Variants in AGMO observed in about 807,000 individuals in gnomAD.
The protein encoded by AGMO is glyceryl-ether monooxygenase.
A neutral mutation model predicts 60.2 loss-of-function variants in AGMO; 75 were observed. The ratio of observed to expected loss-of-function variants is 1.25; its 90% confidence interval spans 1.03 to 1.51. The LOEUF is 1.51. Among genes scored for constraint, AGMO ranks in the 40% most tolerant of loss-of-function variants. AGMO has a pLI of 0.00. For synonymous variants in AGMO, 261 were observed against 177.1 expected (o/e 1.47, Z -3.76); for missense variants, 763 against 525.5 (o/e 1.45, Z -4.42).
At chr7:15,389,556 G>A (rs751682789) in intron 8 of AGMO, among the ~76,000 whole-genome samples, 18 of 152,136 alleles carry the variant, frequency 1.2e-4, no homozygotes, top group Non-Finnish European at 2.1e-4. Flanking sequence ...TTTGGTGTAC[G>A]AGGAGATAAA....
At chr7:15,368,103 G>C (rs1222473447) in intron 10 of AGMO, among the ~76,000 whole-genome samples, 1 of 151,842 alleles carries the variant, frequency 6.6e-6, no homozygotes, top group Non-Finnish European at 1.5e-5. Flanking sequence ...ATTGCTGAGT[G>C]GTCAAAAATC....
At chr7:15,241,459 CAAAAAAAAAA>C (rs61727790) in intron 12 of AGMO, among the ~76,000 whole-genome samples, 9 of 51,364 alleles carry the variant, frequency 1.8e-4, no homozygotes, top group East Asian at 1.4e-3. Flanking sequence ...GACTCCGTCT[CAAAAAAAAAA>C]AAAAAAAAAA....
intron 12 of AGMO, among the ~76,000 whole-genome samples, chr7:15,312,852 A>G (rs1190543617): frequency 2.6e-5 from 4 of 151,946 alleles, no homozygotes; most frequent in Non-Finnish European, 5.9e-5. Flanking sequence ...TATTTTTAGT[A>G]AAGACAGGGT....
intron 12 of AGMO, among the ~76,000 whole-genome samples, chr7:15,258,867 G>T (rs1783183250): frequency 6.6e-6 from 1 of 152,086 alleles, no homozygotes; most frequent in South Asian, 2.1e-4. Flanking sequence ...ATTCCTTAGG[G>T]GAAGGAGGAG....
chr7:15,471,433 G>A (rs1055462010), intron 3 of AGMO, among the ~76,000 whole-genome samples: 2 of 151,814 alleles, frequency 1.3e-5, no homozygotes, highest in Non-Finnish European at 2.9e-5. Context: ...CTATAAAAAT[G>A]AGATCATTAC....
chr7:15,471,747 C>T (rs981485265), intron 3 of AGMO, among the ~76,000 whole-genome samples: 1 of 151,858 alleles, frequency 6.6e-6, no homozygotes, highest in Non-Finnish European at 1.5e-5. Context: ...TAATGTTTCA[C>T]CTGTGAGTGG....
At position 15,284,882 on chromosome 7, in the gene AGMO, G is replaced by C. The variant is rs185200044; in HGVS notation, c.1263+80632C>G. On this transcript the variant is annotated intron_variant, in intron 12 of 12. Transcript: ENST00000342526. ...ACACATCAAAAAGATAATAAATCAT[G>C]ATCAAGTGGGTTTCATTACAGGGAT... Among the ~76,000 whole-genome samples the C allele has an allele frequency of 3.8e-3, 574 of 152,118 alleles. 6 individuals carry two copies. Among genetic ancestry groups the C allele is most frequent in the African/African-American group, 0.014 (562 of 41,512 alleles).
intron 3 of AGMO, among the ~76,000 whole-genome samples, chr7:15,498,321 T>C (rs1783289270): frequency 6.6e-6 from 1 of 151,922 alleles, no homozygotes; most frequent in African/African-American, 2.4e-5. Context: ...AGGTAGTTAG[T>C]GGGGATATTT....
the AGMO span, among the ~76,000 whole-genome samples, chr7:15,163,938 T>C: frequency 2.6e-5 from 4 of 152,096 alleles, no homozygotes; most frequent in Admixed American, 6.6e-5. Flanking sequence ...AATTTGACTA[T>C]GAATCTGTCT....
chr7:15,419,924 A>G (rs904005680), intron 4 of AGMO, among the ~76,000 whole-genome samples: 2 of 152,112 alleles, frequency 1.3e-5, no homozygotes, highest in African/African-American at 4.8e-5. Context: ...TGATTGTTTC[A>G]TAATACATTA....
intron 3 of AGMO, among the ~76,000 whole-genome samples, chr7:15,432,333 T>TATACATAC: frequency 7.4e-6 from 1 of 135,194 alleles, no homozygotes; most frequent in African/African-American, 2.8e-5. Context: ...TATATGTATA[T>TATACATAC]ATATATATAT....
chr7:15,270,463 C>T (rs1029717277), intron 12 of AGMO, among the ~76,000 whole-genome samples: 18 of 151,742 alleles, frequency 1.2e-4, no homozygotes, highest in African/African-American at 3.9e-4. Flanking sequence ...CAGTTTGAAA[C>T]GAGGTTAATT....
chr7:15,359,803 T>C (rs969087901), intron 12 of AGMO, among the ~76,000 whole-genome samples: 2 of 152,238 alleles, frequency 1.3e-5, no homozygotes, highest in African/African-American at 4.8e-5. Flanking sequence ...ATTTGTGATA[T>C]ATGAAATCAT....
intron 3 of AGMO, among the ~76,000 whole-genome samples, chr7:15,475,796 T>G (rs1230771815): frequency 3.3e-5 from 5 of 152,074 alleles, no homozygotes; most frequent in Admixed American, 3.3e-4. Context: ...GATGTGATTA[T>G]GACCCAAAAA....
At chr7:15,308,624 C>A (rs1474785059) in intron 12 of AGMO, among the ~76,000 whole-genome samples, 2 of 152,122 alleles carry the variant, frequency 1.3e-5, no homozygotes, top group Non-Finnish European at 2.9e-5. Context: ...TTCACCAGAG[C>A]AATGTTTCAC....
intron 12 of AGMO, among the ~76,000 whole-genome samples, chr7:15,346,615 A>AG (rs1347340049): frequency 2.7e-5 from 3 of 111,068 alleles, no homozygotes; most frequent in African/African-American, 8.8e-5. Flanking sequence ...AATCTTAAAA[A>AG]GTAAAAAAAA....
At chr7:15,373,316 G>C (rs917017748) in intron 10 of AGMO, among the ~76,000 whole-genome samples, 1 of 151,880 alleles carries the variant, frequency 6.6e-6, no homozygotes, top group African/African-American at 2.4e-5. Context: ...GTTTTCATAG[G>C]TTTCCCAGTG....
rs568196801 is a variant in AGMO, at chr7:15,402,576, T to C, written c.610-8397A>G. Among the ~76,000 whole-genome samples, 13 of 148,224 alleles carry C rather than the reference T, an allele frequency of 8.8e-5. No homozygotes were observed. The South Asian group carries it at 2.7e-3, about 31-fold the overall frequency. ...ACAAATCTTATGTATTATAGTCATA[T>C]ATTTAACCTTATTAAATATATTTAT... is the stretch of plus-strand genomic sequence containing the variant. On this transcript the variant is annotated intron_variant, in intron 5 of 12. Transcript: ENST00000342526.
chr7:15,200,177 G>A (rs535367009), downstream of AGMO: 1 of 135,274 alleles, frequency 7.4e-6, no homozygotes, highest in South Asian at 2.5e-4. Context: ...AGAAATATTG[G>A]ATAAATGAAA....
Sources: gnomAD v4.1 joint callset for allele counts (sites outside exome capture counted in the v4.1 genomes callset) on GRCh38, gnomAD v4.1.1 for gene constraint, MANE v1.5 for transcripts, NCBI Gene and HGNC (gene_info 2026-07-23, HGNC 2026-07-21) for gene names.